The following BCAS3 variants were observed in gnomAD, a reference collection of about 807,000 sequenced individuals.
BCAS3 encodes BCAS3 microtubule associated cell migration factor.
BCAS3 carries 53 observed loss-of-function variants against 116.1 expected under a neutral mutation model. The observed-to-expected ratio is 0.46, with a 90% CI of 0.37 to 0.57. The LOEUF is 0.57. BCAS3 is among the 20% of genes least tolerant of loss of function. The probability of loss-of-function intolerance (pLI) is 0.00; values close to 1 mark genes in which losing one functional copy is unlikely to be tolerated. For synonymous variants in BCAS3, 391 were observed against 408.2 expected, an observed-to-expected ratio of 0.96 and a Z score of 0.51; for missense variants, 917 against 1,165.4, an observed-to-expected ratio of 0.79 and a Z score of 3.10.
rs2078219418 is a variant in BCAS3 at position 61,162,391 on chromosome 17, G to T, written c.2425+77827G>T. ...GGGTTTCTTTGCATTCCCAACAGAAGGTTGTTTCATATGCATTTGCCTCTA... is the reference window on the plus strand; with the variant it reads ...GGGTTTCTTTGCATTCCCAACAGAATGTTGTTTCATATGCATTTGCCTCTA... On this transcript the variant is annotated intron_variant, in intron 22 of 23. Transcript: ENST00000407086. The surrounding 1 kb of genome is among the most constrained non-coding windows in gnomAD (Gnocchi z 5.6). 6.6e-6 allele frequency among the ~76,000 whole-genome samples: 1 copy of T among 152,140 alleles called. No individual in the cohort carries two copies. Among genetic ancestry groups the T allele is most frequent in the Non-Finnish European group, 1.5e-5 (1 of 68,024 alleles).
At position 61,004,766 on chromosome 17, in the gene BCAS3, G is replaced by A. The variant is rs2064532202; in HGVS notation, c.1487-10985G>A. On this transcript the variant is annotated intron_variant, in intron 15 of 23. Transcript: ENST00000407086. The surrounding 1 kb of genome is among the most constrained non-coding windows in gnomAD (Gnocchi z 4.8). Reference sequence around the variant, plus strand: ...TGTTTTTGCAGGTGAGAATATTGAAGCTAGAATGAGGCACAAGAGGGAAAT... The same window carrying A: ...TGTTTTTGCAGGTGAGAATATTGAAACTAGAATGAGGCACAAGAGGGAAAT... 6.6e-6 allele frequency among the ~76,000 whole-genome samples: 1 copy of A among 152,102 alleles called. No individual in the cohort carries two copies. The highest frequency in any genetic ancestry group is 6.6e-5 in the Admixed American group (1 of 15,262).
intron 6 of BCAS3, among the ~76,000 whole-genome samples, chr17:60,772,383 G>A (rs1391266102): frequency 2.2e-4 from 33 of 152,096 alleles, no homozygotes; most frequent in East Asian, 9.7e-4. Flanking sequence ...CATATCCTTT[G>A]CCCACTTTTT....
At position 61,162,928 on chromosome 17, in the gene BCAS3, A is replaced by G. The variant is rs1203840668; in HGVS notation, c.2425+78364A>G. On this transcript the variant is annotated intron_variant, in intron 22 of 23. Transcript: ENST00000407086. The surrounding 1 kb of genome is among the most constrained non-coding windows in gnomAD (Gnocchi z 5.6). The stretch of plus-strand genomic sequence containing the variant: ...ATTATATACATATATATCTTGCTTA[A>G]GTTTTATAGGTAATCCTGGAAGTTT... Among the ~76,000 whole-genome samples the G allele has an allele frequency of 6.6e-6, 1 of 152,200 alleles. No homozygotes were observed. The highest frequency in any genetic ancestry group is 1.5e-5 in the Non-Finnish European group (1 of 68,022).
intron 12 of BCAS3, 51 bp downstream of exon 12, chr17:60,910,753 CT>C (rs760908972): frequency 6.8e-7 from 1 of 1,473,152 alleles, no homozygotes; most frequent in South Asian, 1.3e-5. Flanking sequence ...AAAGATGGGG[CT>C]AAGATCAAGA....
chr17:60,989,908 A>T (rs1475966048), intron 14 of BCAS3, 63 bp from the exon 15 acceptor site: 14 of 1,532,538 alleles, frequency 9.1e-6, no homozygotes, highest in African/African-American at 1.4e-5. Flanking sequence ...GTGATGTGTG[A>T]TACTCTTAGA....
chr17:61,114,941 C>G (rs1601356369), intron 22 of BCAS3, among the ~76,000 whole-genome samples: 2 of 152,052 alleles, frequency 1.3e-5, no homozygotes, highest in Admixed American at 1.3e-4. Context: ...CGCCTCATAT[C>G]TACAACTATC....
chr17:61,059,228 G>A (rs1472088352), intron 19 of BCAS3, among the ~76,000 whole-genome samples: 4 of 151,246 alleles, frequency 2.6e-5, no homozygotes, highest in Non-Finnish European at 5.9e-5. Flanking sequence ...GACTACAGGC[G>A]CCCGCCATCA....
intron 10 of BCAS3, among the ~76,000 whole-genome samples, chr17:60,891,490 A>T (rs995527009): frequency 6.6e-6 from 1 of 152,254 alleles, no homozygotes; most frequent in Non-Finnish European, 1.5e-5. Context: ...ATTTCTAGAT[A>T]AATGTCCTTA....
rs2076894999 is a variant in BCAS3 at position 61,141,118 on chromosome 17, C to T, written c.2425+56554C>T. ...TAATGAGTATTCATCCTCTGTTGCC[C>T]TAAGAACTTACACCTACTGGTTCAT... On this transcript the variant is annotated intron_variant, in intron 22 of 23. Transcript: ENST00000407086. This position sits in a 1 kb window ranked among gnomAD's most constrained non-coding sequence, Gnocchi z 4.3. 6.6e-6 allele frequency among the ~76,000 whole-genome samples: 1 copy of T among 152,022 alleles called. No individual in the cohort carries two copies. Among genetic ancestry groups the T allele is most frequent in the Admixed American group, 6.6e-5 (1 of 15,256 alleles).
chr17:61,112,826 C>CAAA (rs2075179856), intron 22 of BCAS3, among the ~76,000 whole-genome samples: 1 of 151,714 alleles, frequency 6.6e-6, no homozygotes, highest in Non-Finnish European at 1.5e-5. Context: ...AAATTGACCA[C>CAAA]ATACTTGGAA....
chr17:60,781,044 C>T (rs1289772661), intron 6 of BCAS3, among the ~76,000 whole-genome samples: 1 of 152,038 alleles, frequency 6.6e-6, no homozygotes, highest in Non-Finnish European at 1.5e-5. Context: ...TCTCGGCTCA[C>T]TGCAGCCTCC....
chr17:61,031,055 A>G (rs2066600724), intron 16 of BCAS3, among the ~76,000 whole-genome samples: 1 of 152,094 alleles, frequency 6.6e-6, no homozygotes, highest in Non-Finnish European at 1.5e-5. Flanking sequence ...AACTTAATAA[A>G]TGATTAAATA....
At chr17:60,749,553 G>GTCTGGGT (rs1319825305) in intron 6 of BCAS3, among the ~76,000 whole-genome samples, 2 of 152,022 alleles carry the variant, frequency 1.3e-5, no homozygotes, top group Admixed American at 6.6e-5. Context: ...TCTATAACTT[G>GTCTGGGT]TATTATCTGG....
chr17:60,718,598 C>T (rs550815936), intron 5 of BCAS3, among the ~76,000 whole-genome samples: 7 of 152,108 alleles, frequency 4.6e-5, no homozygotes, highest in East Asian at 3.9e-4. Flanking sequence ...CCATGCCTGG[C>T]GAATTTTTGT....
At chr17:60,699,435 G>T (rs2036088342) in intron 4 of BCAS3, among the ~76,000 whole-genome samples, 1 of 152,090 alleles carries the variant, frequency 6.6e-6, no homozygotes, top group Non-Finnish European at 1.5e-5. Flanking sequence ...TGGCCTGGCT[G>T]GTCTTGAACT....
intron 2 of BCAS3, among the ~76,000 whole-genome samples, chr17:60,679,994 C>T (rs1425928104): frequency 2.6e-5 from 4 of 151,708 alleles, no homozygotes; most frequent in East Asian, 1.9e-4. Context: ...AAAAATTAGC[C>T]GGGTATGGTG....
rs1404533242 is a variant in BCAS3, at chr17:60,962,056, A to G, written c.1221+14704A>G. Among the ~76,000 whole-genome samples, 6 of 152,132 alleles carry G rather than the reference A, an allele frequency of 3.9e-5. No homozygotes were observed. The highest frequency in any genetic ancestry group is 7.4e-5 in the Non-Finnish European group (5 of 68,020). ...AAAGCTGAATATTTCATTGCTATAT[A>G]TACCATATATGCTTTATTTATTCAT... On this transcript the variant is annotated intron_variant, in intron 14 of 23. Coordinates refer to ENST00000407086, the MANE Select transcript of BCAS3 (RefSeq NM_017679.5). This position sits in a 1 kb window ranked among gnomAD's most constrained non-coding sequence, Gnocchi z 4.4.
chr17:60,776,293 A>G (rs149267453), intron 6 of BCAS3, among the ~76,000 whole-genome samples: 96 of 152,372 alleles, frequency 6.3e-4, no homozygotes, highest in African/African-American at 2.2e-3. Context: ...TAGAGCTAAT[A>G]TCAGCTGTTG....
At chr17:60,706,473 T>C (rs1368867984) in intron 4 of BCAS3, among the ~76,000 whole-genome samples, 1 of 133,336 alleles carries the variant, frequency 7.5e-6, no homozygotes, top group Non-Finnish European at 1.5e-5. Context: ...TAATTGACTT[T>C]ATTTTAACAG....
Sources: gnomAD v4.1 joint callset for allele counts (sites outside exome capture counted in the v4.1 genomes callset) on GRCh38, gnomAD v4.1.1 for gene constraint, Gnocchi (gnomAD v3.1) non-coding constraint, MANE v1.5 for transcripts, NCBI Gene and HGNC (gene_info 2026-07-23, HGNC 2026-07-21) for gene names.